The following NAV1 variants were observed in gnomAD, a reference collection of about 807,000 sequenced individuals.
NAV1 encodes the protein pore membrane and/or filament interacting like protein 3.
In NAV1, 18 loss-of-function variants were observed where a neutral mutation model predicts 175.2. The ratio of observed to expected loss-of-function variants is 0.10; its 90% confidence interval spans 0.07 to 0.15. NAV1 has a LOEUF of 0.15. Among genes scored for constraint, NAV1 ranks in the 10% least tolerant of loss-of-function variants. The probability of loss-of-function intolerance (pLI) is 1.00; values close to 1 mark genes in which losing one functional copy is unlikely to be tolerated. For synonymous variants in NAV1, 897 were observed against 978.7 expected (o/e 0.92, Z 1.56); for missense variants, 1,731 against 2,436.6 (o/e 0.71, Z 6.10).
chr1:201,682,644 A>G (rs1670511655), intron 1 of NAV1, among the ~76,000 whole-genome samples: 1 of 152,172 alleles, frequency 6.6e-6, no homozygotes, highest in Non-Finnish European at 1.5e-5. Context: ...CCTACGTGCT[A>G]TGAAAAGTTG....
chr1:201,790,877 C>A, intron 13 of NAV1, 111 bp downstream of exon 17: 2 of 958,674 alleles, frequency 2.1e-6, no homozygotes, highest in South Asian at 1.5e-5. Flanking sequence ...ACTGAGACGT[C>A]AAGGGCATGC....
At chr1:201,789,824 C>A (rs776891419) in intron 11 of NAV1, 32 bp downstream of exon 15, 26 of 1,597,128 alleles carry the variant, frequency 1.6e-5, no homozygotes, top group Middle Eastern at 3.3e-4. Flanking sequence ...CCCCTCTCAT[C>A]CCCTCCCCTC....
chr1:201,599,025 G>A (rs574521573), intron 2 of NAV1, among the ~76,000 whole-genome samples: 1 of 152,346 alleles, frequency 6.6e-6, no homozygotes, highest in Non-Finnish European at 1.5e-5. Flanking sequence ...AGTGGGGACA[G>A]GACTTTTGTT....
chr1:201,772,241 G>A (rs953091719), intron 3 of NAV1, among the ~76,000 whole-genome samples: 1 of 152,222 alleles, frequency 6.6e-6, no homozygotes, highest in Non-Finnish European at 1.5e-5. Flanking sequence ...ATCATGGAAA[G>A]CCTCATGGAA....
chr1:201,659,703 C>T (rs550686594), intron 1 of NAV1, among the ~76,000 whole-genome samples: 1 of 152,316 alleles, frequency 6.6e-6, no homozygotes, highest in South Asian at 2.1e-4. Context: ...AGTTATCCAG[C>T]TTTGTTTGTT....
chr1:201,792,182 T>G (rs1290888237), intron 13 of NAV1: 1 of 151,724 alleles, frequency 6.6e-6, no homozygotes, highest in African/African-American at 2.4e-5. Flanking sequence ...TAAAGGCAGA[T>G]TTTTGCCGAG....
chr1:201,792,486 G>C (rs557193226), intron 13 of NAV1: 1 of 152,416 alleles, frequency 6.6e-6, no homozygotes, highest in Non-Finnish European at 1.5e-5. Flanking sequence ...AGGGGAGAGC[G>C]GGGAGAAAGC....
chr1:201,786,093 G>A (rs1169425472), intron 8 of NAV1, among the ~76,000 whole-genome samples: 3 of 152,076 alleles, frequency 2.0e-5, no homozygotes, highest in South Asian at 2.1e-4. Flanking sequence ...GTGCCTGACC[G>A]ACTCTTGCAA....
rs1052572776 is a variant in NAV1 at position 201,792,208 on chromosome 1, C to T, written c.3321+1442C>T. The T allele has an allele frequency of 2.0e-5, 3 of 151,770 alleles. No homozygotes were observed. In the East Asian group the frequency reaches 5.9e-4, roughly 30 times the overall value. The allele number at this position is 151,770 out of a possible 1,614,324, so 9.4% of individuals were successfully genotyped here. ...TTTTGCCGAGGGTCAGAACCCTGCC[C>T]TCAAGCAGGAGATGGGATGCTGGGA... On this transcript the variant is annotated intron_variant, in intron 13 of 29. Transcript: ENST00000367296.
At chr1:201,791,747 C>G (rs1224063360) in intron 13 of NAV1, 1 of 152,292 alleles carries the variant, frequency 6.6e-6, no homozygotes, top group Non-Finnish European at 1.5e-5. Flanking sequence ...GCAGTTCCCT[C>G]ACCACACTAG....
At chr1:201,597,115 C>A (rs1401421699) in intron 2 of NAV1, among the ~76,000 whole-genome samples, 2 of 152,230 alleles carry the variant, frequency 1.3e-5, no homozygotes, top group South Asian at 2.1e-4. Flanking sequence ...CGTGAGCCAC[C>A]GTGCCTGGCC....
chr1:201,719,083 GA>G (rs1672261338), intron 3 of NAV1, among the ~76,000 whole-genome samples: 1 of 150,258 alleles, frequency 6.7e-6, no homozygotes, highest in African/African-American at 2.5e-5. Flanking sequence ...AAGAGCCTTG[GA>G]AAAGCATTTT....
chr1:201,761,075 A>G (rs906213581), intron 3 of NAV1, among the ~76,000 whole-genome samples: 2 of 152,186 alleles, frequency 1.3e-5, no homozygotes, highest in African/African-American at 4.8e-5. Context: ...TTTGCCCTCT[A>G]TCTTGACTCA....
At chr1:201,823,102 G>A (rs934200608) in exon 30 of NAV1, 1 of 152,706 alleles carries the variant, frequency 6.5e-6, no homozygotes, top group Non-Finnish European at 1.5e-5. Flanking sequence ...CCTAATACTG[G>A]AATTTGTGCT....
chr1:201,768,523 A>G (rs1675358653), intron 3 of NAV1, among the ~76,000 whole-genome samples: 1 of 151,896 alleles, frequency 6.6e-6, no homozygotes, highest in Non-Finnish European at 1.5e-5. Flanking sequence ...ATGTAGTCCC[A>G]GCTACTTGGG....
intron 1 of NAV1, among the ~76,000 whole-genome samples, chr1:201,567,028 C>T (rs182957293): frequency 2.9e-4 from 44 of 152,182 alleles, no homozygotes; most frequent in African/African-American, 9.2e-4. Context: ...CTTCCTTAGG[C>T]GGTGTTTTGG....
intron 1 of NAV1, among the ~76,000 whole-genome samples, chr1:201,687,260 G>T (rs1269503131): frequency 6.6e-6 from 1 of 152,164 alleles, no homozygotes. Context: ...CCCCCAGGGG[G>T]AAGTGGCTGG....
At chr1:201,681,699 C>A (rs1670469495) in intron 1 of NAV1, among the ~76,000 whole-genome samples, 1 of 152,144 alleles carries the variant, frequency 6.6e-6, no homozygotes, top group Admixed American at 6.5e-5. Flanking sequence ...TCCAGCCAGG[C>A]GCAGTGGCTC....
upstream of NAV1, among the ~76,000 whole-genome samples, chr1:201,645,546 T>A (rs978741430): frequency 2.0e-5 from 3 of 151,988 alleles, no homozygotes; most frequent in Middle Eastern, 3.4e-3. Context: ...AAACTTAAAT[T>A]ATAATAATAA....
Sources: allele counts gnomAD v4.1 joint callset (sites outside exome capture counted in the v4.1 genomes callset), GRCh38; gene constraint gnomAD v4.1.1; transcripts MANE v1.5; gene names NCBI Gene and HGNC (gene_info 2026-07-23, HGNC 2026-07-21).